The following ETAA1 variants were observed in gnomAD, a reference collection of about 807,000 sequenced individuals.
ETAA1 encodes the protein ewing's tumor-associated antigen 1.
ETAA1 carries 49 observed loss-of-function variants against 76.8 expected under a neutral mutation model. That is an observed-to-expected ratio of 0.64 (90% CI 0.51 to 0.81). The LOEUF (loss-of-function observed/expected upper bound fraction) is 0.81, where lower values mean the gene tolerates loss of function less well. Ranked by LOEUF, ETAA1 falls within the 30% of genes least tolerant of loss-of-function variation. The probability of loss-of-function intolerance (pLI) is 0.00; values close to 1 mark genes in which losing one functional copy is unlikely to be tolerated. For missense variants in ETAA1, 1,099 were observed against 1,074.0 expected, an observed-to-expected ratio of 1.02 and a Z score of -0.32; for synonymous variants, 373 against 372.2, an observed-to-expected ratio of 1.00 and a Z score of -0.03.
chr2:67,403,840 A>C lies in ETAA1; in HGVS notation c.1158A>C (p.Leu386Phe). Residue 386 changes from leucine (L) to phenylalanine (F), a missense_variant, in exon 5 of 6, where the codon TTA becomes TTC. This residue lies in a region of ETAA1 where 761 missense variants were observed against 731.9 expected (regional missense o/e 1.04). Transcript: ENST00000272342. ...ATTTTGAGGATGATTGGGAAAACTT[A>C]CTAGGTAGTGAACCTTTTGCTATGC... ...TSDFEDDWEN[L>F]LGSEPFAMQN... 6.2e-7 allele frequency: 1 copy of C among 1,613,346 alleles called. No individual in the cohort carries two copies. Among genetic ancestry groups the C allele is most frequent in the Non-Finnish European group, 8.5e-7 (1 of 1,179,500 alleles).
At chr2:67,399,363 T>C in intron 2 of ETAA1, 66 bp downstream of exon 2, 1 of 1,447,558 alleles carries the variant, frequency 6.9e-7, no homozygotes, top group East Asian at 2.4e-5. Flanking sequence ...TTAACTAGAA[T>C]TCTAGTCAGA....
chr2:67,407,821 T>C (rs1012764435), intron 5 of ETAA1, among the ~76,000 whole-genome samples: 2 of 152,124 alleles, frequency 1.3e-5, no homozygotes, highest in African/African-American at 2.4e-5. Context: ...ATGATCTTCA[T>C]GTCTAGTAGG....
At chr2:67,400,948 C>T (rs1224189600) in intron 3 of ETAA1, 1 of 152,050 alleles carries the variant, frequency 6.6e-6, no homozygotes, top group Non-Finnish European at 1.5e-5. Flanking sequence ...AGTTAAATAG[C>T]ATTTATGCCA....
chr2:67,404,655 A>G lies in ETAA1; in HGVS notation c.1973A>G (p.Asp658Gly), dbSNP rs1178385107. 2 of 1,613,274 alleles carry G rather than the reference A, an allele frequency of 1.2e-6. No homozygotes were observed. Among genetic ancestry groups the G allele is most frequent in the Admixed American group, 3.3e-5 (2 of 59,936 alleles). ...ACTCAGCAACAAGACATTAGAAAGG[A>G]CAGTAAGACATCAGAAAGTATATGT... ...KLTQQQDIRK[D>G]SKTSESICEI... Residue 658 changes from aspartate (D) to glycine (G), a missense_variant, in exon 5 of 6, where the codon GAC becomes GGC. Asp to Gly is a moderately conservative substitution (Grantham distance 94). Coordinates refer to ENST00000272342, the MANE Select transcript of ETAA1 (RefSeq NM_019002.4).
chr2:67,402,803 G>T, intron 3 of ETAA1, 59 bp from the exon 4 acceptor site: 1 of 1,072,364 alleles, frequency 9.3e-7, no homozygotes, highest in Non-Finnish European at 1.3e-6. Flanking sequence ...TTGTTTTTTT[G>T]GAAGACGGGG....
At position 67,404,075 on chromosome 2, in the gene ETAA1, C is replaced by T. The variant is rs556600415; in HGVS notation, c.1393C>T (p.Pro465Ser). Reference protein sequence around the residue: ...ELIDAEYRFSPNSNKSNKLST... With the variant: ...ELIDAEYRFSSNSNKSNKLST... ...AATAGATGCAGAATATAGATTTTCA[C>T]CAAATTCAAATAAATCAAACAAATT... Residue 465 changes from proline (P) to serine (S), a missense_variant, in exon 5 of 6, where the codon CCA becomes TCA. By Grantham distance (74) the Pro-to-Ser change is moderately conservative. Around this residue, in one of 3 missense-constraint regions of ETAA1, gnomAD observed 761 missense variants for 731.9 expected, o/e 1.04. Coordinates refer to ENST00000272342, the MANE Select transcript of ETAA1 (RefSeq NM_019002.4). The T allele has an allele frequency of 6.3e-7, 1 of 1,597,786 alleles. No homozygotes were observed. The highest frequency in any genetic ancestry group is 1.4e-5 in the African/African-American group (1 of 73,742).
Position 67,411,530 on chromosome 2 carries a change from A to C in ETAA1, c.*1492A>C, listed in dbSNP as rs964499965. On this transcript the variant is annotated 3_prime_UTR_variant, in exon 6 of 6. Transcript: ENST00000272342. ...CATCTGGCAATACGGCACACTGTAG[A>C]GTATCAGTTGAGCTGATGCCCAGCA... The C allele has an allele frequency of 6.6e-6, 1 of 152,224 alleles. No homozygotes were observed. The highest frequency in any genetic ancestry group is 1.9e-4 in the East Asian group (1 of 5,166). The allele number at this position is 152,224 out of a possible 1,614,324, so 9.4% of individuals were successfully genotyped here.
In ETAA1 at chr2:67,402,971, C is replaced by G; in HGVS notation, c.539C>G (p.Thr180Arg). ...AAATCAAGAGCAAAAATCAGCTGCA[C>G]AAAGTAAGTTAAGACTTTTCAGCTT... ...KGKSRAKISC[T>R]KLKTQSQEEE... is the part of the protein sequence containing the mutation. The change falls in exon 4 of 6, where the codon ACA (threonine) becomes AGA (arginine). Residue 180 changes from threonine (T) to arginine (R), a missense_variant. By Grantham distance (71) the Thr-to-Arg change is moderately conservative. Transcript: ENST00000272342. 1.9e-6 allele frequency: 3 copies of G among 1,597,090 alleles called. No individual in the cohort carries two copies. The highest frequency in any genetic ancestry group is 2.6e-6 in the Non-Finnish European group (3 of 1,172,336).
chr2:67,404,909 T>A lies in ETAA1; in HGVS notation c.2227T>A (p.Ser743Thr), dbSNP rs750146643. The part of the protein sequence containing the change: ...ATNLTMYSKI[S>T]NCQINNLHVS... ...AAATTTGACTATGTATTCTAAGATCTCAAACTGTCAGATAAATAATCTGCA... is the reference window on the plus strand; with the variant it reads ...AAATTTGACTATGTATTCTAAGATCACAAACTGTCAGATAAATAATCTGCA... The change falls in exon 5 of 6, where the codon TCA becomes ACA. Residue 743 changes from serine to threonine, a missense_variant. Transcript: ENST00000272342. The A allele has an allele frequency of 6.2e-7, 1 of 1,613,120 alleles. No individual in the cohort carries two copies. Among genetic ancestry groups the A allele is most frequent in the East Asian group, 2.2e-5 (1 of 44,832 alleles).
Position 67,412,081 on chromosome 2 carries a change from GTGT to G in ETAA1, c.*2048_*2050del, listed in dbSNP as rs1156867430. 1 of 151,700 alleles carries G rather than the reference GTGT, an allele frequency of 6.6e-6. No individual in the cohort carries two copies. The highest frequency in any genetic ancestry group is 6.6e-5 in the Admixed American group (1 of 15,186). 9.4% of individuals were successfully genotyped at this position (151,700 alleles called of 1,614,324 possible). On this transcript the variant is annotated 3_prime_UTR_variant, in exon 6 of 6. Transcript: ENST00000272342. ...TTGAGCAATACTATAATGCCTTTATGTGTTGTTTAGTTGTATAAATCTTATTTT... is the reference window on the plus strand; with the variant it reads ...TTGAGCAATACTATAATGCCTTTATGTGTTTAGTTGTATAAATCTTATTTT...
At chr2:67,399,437 C>A in intron 2 of ETAA1, 113 bp from the exon 3 acceptor site, 1 of 1,128,266 alleles carries the variant, frequency 8.9e-7, no homozygotes, top group South Asian at 1.4e-5. Flanking sequence ...GTGATGTAAA[C>A]ACATAATCCT....
chr2:67,406,004 T>C (rs1676207596), intron 5 of ETAA1, among the ~76,000 whole-genome samples: 1 of 152,100 alleles, frequency 6.6e-6, no homozygotes, highest in South Asian at 2.1e-4. Flanking sequence ...TTCTTTTATC[T>C]ATCTCCTTTC....
intron 5 of ETAA1, among the ~76,000 whole-genome samples, 154 bp downstream of exon 5, chr2:67,405,489 T>A (rs1572910218): frequency 6.6e-6 from 1 of 152,160 alleles, no homozygotes; most frequent in South Asian, 2.1e-4. Context: ...AAAATGATAC[T>A]TGGAAATAAT....
chr2:67,408,095 G>C (rs746607193), intron 5 of ETAA1, among the ~76,000 whole-genome samples: 5 of 152,024 alleles, frequency 3.3e-5, no homozygotes, highest in Admixed American at 1.3e-4. Context: ...TGATAGTACT[G>C]AATCTCTTAA....
chr2:67,404,321 A>C lies in ETAA1; in HGVS notation c.1639A>C (p.Asn547His). The change falls in exon 5 of 6, where the codon AAT (asparagine) becomes CAT (histidine). Residue 547 changes from asparagine to histidine, a missense_variant. Around this residue, in one of 3 missense-constraint regions of ETAA1, gnomAD observed 761 missense variants for 731.9 expected, o/e 1.04. Coordinates refer to ENST00000272342, the MANE Select transcript of ETAA1 (RefSeq NM_019002.4). Reference sequence around the variant, plus strand: ...AAATCAGTCTATTAAAGCCCCTGTTAATACTGATCTTTTTGGCTCTGCAAA... The same window carrying C: ...AAATCAGTCTATTAAAGCCCCTGTTCATACTGATCTTTTTGGCTCTGCAAA... Reference protein sequence around the residue: ...ILNQSIKAPVNTDLFGSANLG... With the variant: ...ILNQSIKAPVHTDLFGSANLG... 1.2e-6 allele frequency: 2 copies of C among 1,613,038 alleles called. No homozygotes were observed. Among genetic ancestry groups the C allele is most frequent in the Non-Finnish European group, 1.7e-6 (2 of 1,179,380 alleles).
chr2:67,404,964 T>C lies in ETAA1; in HGVS notation c.2282T>C (p.Ile761Thr). The C allele has an allele frequency of 6.2e-7, 1 of 1,612,916 alleles. No individual in the cohort carries two copies. Among genetic ancestry groups the C allele is most frequent in the East Asian group, 2.2e-5 (1 of 44,820 alleles). ...TCTTATACTAACACTGATGTTCCAATACAAGTGAATAGTTCCAAATTGGTT... is the reference window on the plus strand; with the variant it reads ...TCTTATACTAACACTGATGTTCCAACACAAGTGAATAGTTCCAAATTGGTT... ...HVSYTNTDVP[I>T]QVNSSKLVLP... Residue 761 changes from isoleucine to threonine, a missense_variant, in exon 5 of 6, where the codon ATA (isoleucine) becomes ACA (threonine). Ile to Thr is a moderately conservative substitution (Grantham distance 89). Around this residue, in one of 3 missense-constraint regions of ETAA1, gnomAD observed 302 missense variants for 278.1 expected, o/e 1.09. Transcript: ENST00000272342.
At position 67,403,906 on chromosome 2, in the gene ETAA1, C is replaced by T. The variant is rs1026956519; in HGVS notation, c.1224C>T (p.Ala408=). 3.0e-5 allele frequency: 49 copies of T among 1,612,514 alleles called. No homozygotes were observed. Among genetic ancestry groups the T allele is most frequent in the Non-Finnish European group, 4.1e-5 (48 of 1,179,380 alleles). The change falls in exon 5 of 6, where the codon GCC becomes GCT. Residue 408 remains alanine, a synonymous_variant. Transcript: ENST00000272342. ...DMPELFPSKT[A]HVTDQKEICT... ...CTGAACTCTTTCCTTCTAAAACAGC[C>T]CATGTTACTGATCAAAAGGAAATTT... is the stretch of plus-strand genomic sequence containing the variant.
Position 67,405,410 on chromosome 2 carries a change from G to T in ETAA1, c.2653+75G>T, listed in dbSNP as rs3770654. 1,377 of 1,182,868 alleles carry T rather than the reference G, an allele frequency of 1.2e-3. 20 individuals are homozygous for T. In the East Asian group the frequency reaches 0.031, roughly 27 times the overall value. The allele number at this position is 1,182,868 out of a possible 1,614,324, so 73.3% of individuals were successfully genotyped here. On this transcript the variant is annotated intron_variant, in intron 5 of 5. Coordinates refer to ENST00000272342, the MANE Select transcript of ETAA1 (RefSeq NM_019002.4). ...AGTAAAATAATTATTTGTTGTTTTT[G>T]AGTGTGAGTAATGTATAAGGTAAAA...
chr2:67,399,210 C>G lies in ETAA1; in HGVS notation c.265C>G (p.Leu89Val), dbSNP rs1675986765. ...TPKRALKMDSLSSSFSSPNDP... is the reference protein window; with the variant it reads ...TPKRALKMDSVSSSFSSPNDP... Reference sequence around the variant, plus strand: ...AAAGAGAGCGCTGAAAATGGACTCACTGTCATCTTCCTTCAGTTCTCCTAA... The same window carrying G: ...AAAGAGAGCGCTGAAAATGGACTCAGTGTCATCTTCCTTCAGTTCTCCTAA... Residue 89 changes from leucine (L) to valine (V), a missense_variant, in exon 2 of 6, where the codon CTG becomes GTG. Leu to Val is a conservative substitution (Grantham distance 32). Around this residue, in one of 3 missense-constraint regions of ETAA1, gnomAD observed 761 missense variants for 731.9 expected, o/e 1.04. Transcript: ENST00000272342. 1 of 1,613,320 alleles carries G rather than the reference C, an allele frequency of 6.2e-7. No homozygotes were observed. Among genetic ancestry groups the G allele is most frequent in the Admixed American group, 1.7e-5 (1 of 59,970 alleles).
Sources: gnomAD v4.1 joint callset for allele counts (sites outside exome capture counted in the v4.1 genomes callset) on GRCh38, gnomAD v4.1.1 for gene constraint, gnomAD v4.1.1 regional missense constraint, MANE v1.5 for transcripts, NCBI Gene and HGNC (gene_info 2026-07-23, HGNC 2026-07-21) for gene names.